The following KAT6A variants were observed in gnomAD, a reference collection of about 807,000 sequenced individuals.
The protein encoded by KAT6A is lysine acetyltransferase 6A.
A neutral mutation model predicts 198.4 loss-of-function variants in KAT6A; 9 were observed. The observed-to-expected ratio is 0.05, with a 90% CI of 0.03 to 0.08. The LOEUF is 0.08. Ranked by LOEUF, KAT6A falls within the 10% of genes least tolerant of loss-of-function variation. KAT6A has a pLI of 1.00. For missense variants in KAT6A, 2,077 were observed against 2,509.9 expected (o/e 0.83, Z 3.69); for synonymous variants, 890 against 883.0 (o/e 1.01, Z -0.14).
intron 1 of KAT6A, among the ~76,000 whole-genome samples, chr8:42,050,699 T>C (rs966330220): frequency 1.3e-5 from 2 of 152,150 alleles, no homozygotes; most frequent in Non-Finnish European, 2.9e-5. Flanking sequence ...AGTAAGCTCA[T>C]TATACAGATA....
chr8:42,048,263 G>T, intron 2 of KAT6A, 115 bp downstream of exon 2: 1 of 1,053,672 alleles, frequency 9.5e-7, no homozygotes, highest in Admixed American at 2.3e-5. Context: ...AACCAGAGGT[G>T]ATCACTCCAC....
At chr8:42,049,761 A>G (rs1462246317) in intron 1 of KAT6A, 1 of 152,252 alleles carries the variant, frequency 6.6e-6, no homozygotes, top group South Asian at 2.1e-4. Context: ...AGACATTCAG[A>G]GTAGACAAAA....
chr8:42,048,357 C>T (rs369923786), intron 2 of KAT6A, 21 bp downstream of exon 2: 10 of 1,608,502 alleles, frequency 6.2e-6, no homozygotes, highest in South Asian at 1.1e-5. Context: ...CTATAAACCC[C>T]GAAGCATATG....
At chr8:41,975,295 T>C (rs866593726) in intron 7 of KAT6A, among the ~76,000 whole-genome samples, 12 of 152,210 alleles carry the variant, frequency 7.9e-5, no homozygotes, top group South Asian at 2.1e-4. Flanking sequence ...ACTGTCCTTT[T>C]AAAGCACAAA....
Position 41,938,086 on chromosome 8 carries a change from G to C in KAT6A, c.3040-518C>G, listed in dbSNP as rs116634804. ...TCAGTGTTAGTGAAATATTTCAAAA[G>C]TAAAATAAATCTGTTACTGAAATTT... On this transcript the variant is annotated intron_variant, in intron 15 of 16. Transcript: ENST00000265713. Among the ~76,000 whole-genome samples the C allele has an allele frequency of 6.4e-3, 968 of 152,284 alleles. 12 individuals carry two copies. The highest frequency in any genetic ancestry group is 0.021 in the African/African-American group (887 of 41,558).
At chr8:42,010,434 T>G (rs942646185) in intron 2 of KAT6A, among the ~76,000 whole-genome samples, 1 of 152,214 alleles carries the variant, frequency 6.6e-6, no homozygotes, top group Non-Finnish European at 1.5e-5. Context: ...GGACTTCAAC[T>G]TTATCCATAA....
At chr8:41,964,479 A>C (rs1396952823) in intron 8 of KAT6A, among the ~76,000 whole-genome samples, 1 of 152,080 alleles carries the variant, frequency 6.6e-6, no homozygotes, top group Non-Finnish European at 1.5e-5. Context: ...GAGTATCCCT[A>C]ATCTGAAAAT....
intron 16 of KAT6A, among the ~76,000 whole-genome samples, chr8:41,935,496 A>G (rs1821802207): frequency 1.3e-5 from 2 of 152,234 alleles, no homozygotes; most frequent in Non-Finnish European, 2.9e-5. Context: ...GACTTAGACA[A>G]ACAAGAAAAA....
In KAT6A at chr8:41,978,676, G is replaced by A. The variant is rs755739505; in HGVS notation, c.1009C>T (p.Arg337Cys). The change falls in exon 6 of 17, where the codon CGT (arginine) becomes TGT (cysteine). Residue 337 changes from arginine (R) to cysteine (C), a missense_variant. Around this residue, in one of 13 missense-constraint regions of KAT6A, gnomAD observed 206 missense variants for 214.9 expected, o/e 0.96. Transcript: ENST00000265713. ...IKRRYTNPIG[R>C]PKNRLKKQNT... is the part of the protein sequence containing the mutation. Reference sequence around the variant, plus strand: ...TGTTTCTTTAACCTGTTTTTTGGACGTCCTATTGGATTAGTATAGCGCCGT... The same window carrying A: ...TGTTTCTTTAACCTGTTTTTTGGACATCCTATTGGATTAGTATAGCGCCGT... The A allele has an allele frequency of 4.6e-5, 74 of 1,613,588 alleles. No homozygotes were observed. The highest frequency in any genetic ancestry group is 5.8e-5 in the Non-Finnish European group (68 of 1,179,842).
At chr8:41,954,537 G>T (rs927405759) in intron 9 of KAT6A, among the ~76,000 whole-genome samples, 11 of 149,424 alleles carry the variant, frequency 7.4e-5, no homozygotes, top group African/African-American at 2.0e-4. Context: ...TTAATTTTTT[G>T]ATCTCATTTC....
rs138085232 is a variant in KAT6A, at chr8:41,940,878, C to T, written c.3003G>A (p.Ser1001=). 11 of 1,613,050 alleles carry T rather than the reference C, an allele frequency of 6.8e-6. No homozygotes were observed. The highest frequency in any genetic ancestry group is 5.0e-5 in the Admixed American group (3 of 59,978). Residue 1001 remains serine, a synonymous_variant, in exon 15 of 17, where the codon TCG becomes TCA. Coordinates refer to ENST00000265713, the MANE Select transcript of KAT6A (RefSeq NM_006766.5). ...GCGTGGGCTTTGTGAGAATTGGTGG[C>T]GAGCTTGACCGAGGGCTTTCCGGCT... ...EEEPESPRSS[S]PPILTKPTLK...
chr8:41,993,707 T>C lies in KAT6A; in HGVS notation c.601-6144A>G, dbSNP rs117334727. Among the ~76,000 whole-genome samples the C allele has an allele frequency of 1.4e-4, 22 of 152,354 alleles. No individual in the cohort carries two copies. In the East Asian group the frequency reaches 4.2e-3, roughly 29 times the overall value. On this transcript the variant is annotated intron_variant, in intron 2 of 16. Transcript: ENST00000265713. ...GAGCTACAGCAACAAATGGTTTAAA[T>C]AAATCATCTAGGTTAAGACACAGTC... is the stretch of plus-strand genomic sequence containing the variant.
chr8:41,999,800 T>C (rs534918836), intron 2 of KAT6A, among the ~76,000 whole-genome samples: 1 of 152,304 alleles, frequency 6.6e-6, no homozygotes, highest in East Asian at 1.9e-4. Context: ...ACAAACTGGG[T>C]TCTGCCACTG....
chr8:41,937,378 T>C lies in KAT6A; in HGVS notation c.3230A>G (p.Asn1077Ser). ...GAAGTATTCTCTAGGGAAAAGTTCA[T>C]TTTCATCCTCTTCCTCCTCTTCTTC... ...IDEEEEEEDE[N>S]ELFPREYFRR... Residue 1077 changes from asparagine (N) to serine (S), a missense_variant, in exon 16 of 17, where the codon AAT (asparagine) becomes AGT (serine). By Grantham distance (46) the Asn-to-Ser change is conservative. Around this residue, in one of 13 missense-constraint regions of KAT6A, gnomAD observed 375 missense variants for 383.0 expected, o/e 0.98. Transcript: ENST00000265713. 6.2e-7 allele frequency: 1 copy of C among 1,614,126 alleles called. No homozygotes were observed. Among genetic ancestry groups the C allele is most frequent in the South Asian group, 1.1e-5 (1 of 91,072 alleles).
chr8:41,965,808 G>A (rs1240298944), intron 8 of KAT6A, among the ~76,000 whole-genome samples: 3 of 152,148 alleles, frequency 2.0e-5, no homozygotes, highest in Admixed American at 6.5e-5. Context: ...GGCATGACGG[G>A]ATTTTAAGGT....
intron 2 of KAT6A, among the ~76,000 whole-genome samples, chr8:41,991,207 T>C (rs1057436670): frequency 5.3e-5 from 8 of 152,170 alleles, no homozygotes; most frequent in African/African-American, 1.9e-4. Context: ...CAGAGCAGCA[T>C]TATTCATAAT....
chr8:41,959,286 C>T (rs1317739733), intron 8 of KAT6A, among the ~76,000 whole-genome samples: 1 of 151,830 alleles, frequency 6.6e-6, no homozygotes, highest in East Asian at 1.9e-4. Context: ...TAAATCAAAC[C>T]ACAATCAGAT....
chr8:42,001,880 A>G (rs1310212394), intron 2 of KAT6A, among the ~76,000 whole-genome samples: 1 of 152,220 alleles, frequency 6.6e-6, no homozygotes, highest in Non-Finnish European at 1.5e-5. Flanking sequence ...GGTCTCCTAC[A>G]TGTATGCAAA....
In KAT6A at chr8:41,941,394, T is replaced by G. The variant is rs10104089; in HGVS notation, c.2487A>C (p.Val829=). 1 of 1,609,668 alleles carries G rather than the reference T, an allele frequency of 6.2e-7. No homozygotes were observed. Among genetic ancestry groups the G allele is most frequent in the South Asian group, 1.1e-5 (1 of 90,986 alleles). The change falls in exon 15 of 17, where the codon GTA becomes GTC. Residue 829 remains valine, a synonymous_variant. Coordinates refer to ENST00000265713, the MANE Select transcript of KAT6A (RefSeq NM_006766.5). ...HENKEQDSYS[V]ESEKKPEVMA... is the part of the protein sequence containing the mutation. Reference sequence around the variant, plus strand: ...TAACTTCTGGTTTCTTTTCACTTTCTACTGAATAAGAATCTTGTTCTTTGT... The same window carrying G: ...TAACTTCTGGTTTCTTTTCACTTTCGACTGAATAAGAATCTTGTTCTTTGT...
Sources: gnomAD v4.1 joint callset for allele counts (sites outside exome capture counted in the v4.1 genomes callset) on GRCh38, gnomAD v4.1.1 for gene constraint, gnomAD v4.1.1 regional missense constraint, MANE v1.5 for transcripts, NCBI Gene and HGNC (gene_info 2026-07-23, HGNC 2026-07-21) for gene names.